The following KCNG3 variants were observed in gnomAD, a reference collection of about 807,000 sequenced individuals.
The protein encoded by KCNG3 is potassium voltage-gated channel modifier subfamily G member 3, also known as voltage-gated potassium channel regulatory subunit KCNG3.
Under a neutral mutation model 29.0 loss-of-function variants are expected in KCNG3, and 15 were observed. The ratio of observed to expected loss-of-function variants is 0.52; its 90% CI spans 0.35 to 0.80. KCNG3 has a LOEUF of 0.80. Ranked by LOEUF, KCNG3 falls within the 30% of genes least tolerant of loss-of-function variation. The probability of loss-of-function intolerance (pLI) is 0.01; values close to 1 mark genes in which losing one functional copy is unlikely to be tolerated. For synonymous variants in KCNG3, 322 were observed against 248.9 expected, an observed-to-expected ratio of 1.29 and a Z score of -2.76; for missense variants, 512 against 605.7, an observed-to-expected ratio of 0.85 and a Z score of 1.62.
In KCNG3 at chr2:42,493,392, C is replaced by A; in HGVS notation, c.110G>T (p.Arg37Leu). Reference protein sequence around the residue: ...LKDFPLRRVSRLHGCRSERDV... With the variant: ...LKDFPLRRVSLLHGCRSERDV... ...GCGCTCGGAGCGGCAGCCGTGCAGC[C>A]GGCTCACGCGGCGCAGCGGGAAGTC... Residue 37 changes from arginine to leucine, a missense_variant, in exon 1 of 2, where the codon CGG becomes CTG. Arg to Leu is a moderately radical substitution (Grantham distance 102). Coordinates refer to ENST00000306078, the MANE Select transcript of KCNG3 (RefSeq NM_133329.6). The A allele has an allele frequency of 6.6e-7, 1 of 1,523,920 alleles. No homozygotes were observed. Among genetic ancestry groups the A allele is most frequent in the Non-Finnish European group, 8.8e-7 (1 of 1,136,958 alleles). 94.4% of individuals were successfully genotyped at this position (1,523,920 alleles called of 1,614,324 possible).
At chr2:42,455,809 T>C (rs982822412) in intron 1 of KCNG3, among the ~76,000 whole-genome samples, 8 of 151,358 alleles carry the variant, frequency 5.3e-5, no homozygotes. Flanking sequence ...ATTATATATA[T>C]GTATGTACAG....
the KCNG3 span, among the ~76,000 whole-genome samples, chr2:42,390,950 T>C: frequency 1.3e-5 from 2 of 152,216 alleles, no homozygotes; most frequent in African/African-American, 4.8e-5. Flanking sequence ...AGTCCAGTTT[T>C]GCCTTAGGAT....
intron 1 of KCNG3, among the ~76,000 whole-genome samples, chr2:42,458,250 C>T (rs747008114): frequency 1.3e-5 from 2 of 152,150 alleles, no homozygotes; most frequent in Non-Finnish European, 2.9e-5. Context: ...TTTTAAGGGG[C>T]TGCTATTATT....
chr2:42,417,299 G>A, the KCNG3 span, among the ~76,000 whole-genome samples: 1 of 152,038 alleles, frequency 6.6e-6, no homozygotes, highest in Non-Finnish European at 1.5e-5. Flanking sequence ...TTTTATCATA[G>A]TATTTATCAT....
At chr2:42,407,906 C>G in the KCNG3 span, among the ~76,000 whole-genome samples, 2 of 152,234 alleles carry the variant, frequency 1.3e-5, no homozygotes, top group Non-Finnish European at 2.9e-5. Context: ...ACCAAGGCAT[C>G]CCTACACTCT....
At chr2:42,465,130 A>G (rs191979072) in intron 1 of KCNG3, among the ~76,000 whole-genome samples, 2 of 152,360 alleles carry the variant, frequency 1.3e-5, no homozygotes, top group Non-Finnish European at 2.9e-5. Context: ...ACCACACACA[A>G]AAATTAATGA....
intron 1 of KCNG3, among the ~76,000 whole-genome samples, chr2:42,447,601 A>G (rs6733914): frequency 0.86 from 130,535 of 152,000 alleles, 56,049 homozygotes; most frequent in Middle Eastern, 0.95. Flanking sequence ...CTGCAGCCTC[A>G]AATGCCCAGG....
At chr2:42,475,764 G>T (rs938427991) in intron 1 of KCNG3, among the ~76,000 whole-genome samples, 5 of 151,938 alleles carry the variant, frequency 3.3e-5, no homozygotes, top group Non-Finnish European at 7.4e-5. Flanking sequence ...ACAAAATTCA[G>T]TATAAAATTA....
intron 1 of KCNG3, among the ~76,000 whole-genome samples, chr2:42,449,339 T>C (rs1052023880): frequency 2.6e-4 from 39 of 152,146 alleles, no homozygotes; most frequent in African/African-American, 9.2e-4. Context: ...TCAGTGGCCA[T>C]AAATAAAGTT....
At chr2:42,419,219 CTTTTTTTTTTTTTTTTTTTT>C in the KCNG3 span, among the ~76,000 whole-genome samples, 10 of 27,716 alleles carry the variant, frequency 3.6e-4, no homozygotes, top group East Asian at 1.6e-3. Flanking sequence ...GATGGTATCT[CTTTTTTTTTTTTTTTTTTTT>C]TTTTTTTTTT....
chr2:42,487,271 A>C, intron 1 of KCNG3, among the ~76,000 whole-genome samples: 1 of 151,718 alleles, frequency 6.6e-6, no homozygotes, highest in East Asian at 1.9e-4. Flanking sequence ...GTTGTCTTTT[A>C]ATGGGGTCCT....
At chr2:42,475,531 T>C (rs1356586850) in intron 1 of KCNG3, among the ~76,000 whole-genome samples, 2 of 151,668 alleles carry the variant, frequency 1.3e-5, no homozygotes, top group East Asian at 3.9e-4. Context: ...GATTTCGCCA[T>C]GTTGGCCAAG....
At chr2:42,490,757 T>G (rs754763026) in intron 1 of KCNG3, among the ~76,000 whole-genome samples, 6 of 152,210 alleles carry the variant, frequency 3.9e-5, no homozygotes, top group Non-Finnish European at 5.9e-5. Context: ...AGAAAGAAGT[T>G]TTGGCTTTAT....
the KCNG3 span, among the ~76,000 whole-genome samples, chr2:42,416,852 G>A: frequency 6.6e-6 from 1 of 151,550 alleles, no homozygotes; most frequent in South Asian, 2.1e-4. Context: ...AATGATAGAT[G>A]TTTAAGGTGA....
At chr2:42,392,072 CTAAA>C in the KCNG3 span, among the ~76,000 whole-genome samples, 1 of 152,176 alleles carries the variant, frequency 6.6e-6, no homozygotes, top group African/African-American at 2.4e-5. Context: ...CTGAAATTCG[CTAAA>C]TAATTATTTC....
chr2:42,446,849 A>T (rs1018973740), intron 1 of KCNG3, among the ~76,000 whole-genome samples: 1 of 152,124 alleles, frequency 6.6e-6, no homozygotes, highest in Non-Finnish European at 1.5e-5. Context: ...ATATAGAAAG[A>T]AAGGTCTCAG....
At chr2:42,401,132 C>T in the KCNG3 span, among the ~76,000 whole-genome samples, 14 of 148,804 alleles carry the variant, frequency 9.4e-5, no homozygotes, top group East Asian at 1.9e-4. Flanking sequence ...TAAATGTATG[C>T]GTATATATTA....
At chr2:42,419,212 G>A in the KCNG3 span, among the ~76,000 whole-genome samples, 16 of 104,130 alleles carry the variant, frequency 1.5e-4, no homozygotes, top group African/African-American at 5.0e-4. Flanking sequence ...AAGCTCAGAT[G>A]GTATCTCTTT....
the KCNG3 span, among the ~76,000 whole-genome samples, chr2:42,429,222 T>G: frequency 7.3e-5 from 11 of 151,292 alleles, no homozygotes; most frequent in African/African-American, 2.4e-4. Context: ...GTCCTAACAG[T>G]TGGGGAAAGA....
Sources: gnomAD v4.1 joint callset for allele counts (sites outside exome capture counted in the v4.1 genomes callset) on GRCh38, gnomAD v4.1.1 for gene constraint, MANE v1.5 for transcripts, NCBI Gene and HGNC (gene_info 2026-07-23, HGNC 2026-07-21) for gene names.